The following SEMA5A variants were observed in gnomAD, a reference collection of about 807,000 sequenced individuals.
SEMA5A encodes semaphorin 5A, also known as semaphorin-5A.
SEMA5A carries 55 observed loss-of-function variants against 135.5 expected under a neutral mutation model. The ratio of observed to expected loss-of-function variants is 0.41; its 90% CI spans 0.33 to 0.51. The LOEUF (loss-of-function observed/expected upper bound fraction) is 0.51, where lower values mean the gene tolerates loss of function less well. Among genes scored for constraint, SEMA5A ranks in the 20% least tolerant of loss-of-function variants. The pLI is 0.37. For missense variants in SEMA5A, 1,290 were observed against 1,419.9 expected, an observed-to-expected ratio of 0.91 and a Z score of 1.47; for synonymous variants, 580 against 546.5, an observed-to-expected ratio of 1.06 and a Z score of -0.85.
intron 8 of SEMA5A, among the ~76,000 whole-genome samples, chr5:9,219,985 A>T (rs1331519461): frequency 6.6e-6 from 1 of 152,222 alleles, no homozygotes; most frequent in Admixed American, 6.5e-5. Context: ...ATAGAAAAAA[A>T]AATGTGATTA....
chr5:9,139,626 T>C (rs1383264875), intron 12 of SEMA5A, among the ~76,000 whole-genome samples: 3 of 152,224 alleles, frequency 2.0e-5, no homozygotes, highest in Non-Finnish European at 4.4e-5. Flanking sequence ...TTTTATTACA[T>C]GGTCACTGGA....
intron 2 of SEMA5A, among the ~76,000 whole-genome samples, chr5:9,383,905 G>T (rs988151411): frequency 3.9e-5 from 6 of 152,212 alleles, no homozygotes; most frequent in African/African-American, 1.2e-4. Flanking sequence ...TTTGGAAAGC[G>T]ACAATTAGAG....
At chr5:9,253,584 G>T (rs760021139) in intron 5 of SEMA5A, among the ~76,000 whole-genome samples, 3 of 152,038 alleles carry the variant, frequency 2.0e-5, no homozygotes, top group African/African-American at 2.4e-5. Context: ...ACCTCCTATG[G>T]TGTTTTGACA....
At chr5:9,423,879 G>A (rs907888604) in intron 2 of SEMA5A, among the ~76,000 whole-genome samples, 4 of 152,210 alleles carry the variant, frequency 2.6e-5, no homozygotes, top group African/African-American at 9.6e-5. Flanking sequence ...GCCTACTGCA[G>A]CTGGAACTGA....
At chr5:9,434,157 C>G (rs1757950170) in intron 2 of SEMA5A, among the ~76,000 whole-genome samples, 1 of 152,100 alleles carries the variant, frequency 6.6e-6, no homozygotes, top group African/African-American at 2.4e-5. Flanking sequence ...CATTACAGTG[C>G]CTTTACACGA....
chr5:9,411,254 T>C (rs1757096916), intron 2 of SEMA5A, among the ~76,000 whole-genome samples: 1 of 152,196 alleles, frequency 6.6e-6, no homozygotes, highest in Admixed American at 6.5e-5. Flanking sequence ...TCTTCTTAAT[T>C]GGACATCATT....
chr5:9,178,725 A>T (rs1476326749), intron 11 of SEMA5A, among the ~76,000 whole-genome samples: 6 of 152,224 alleles, frequency 3.9e-5, no homozygotes, highest in Non-Finnish European at 8.8e-5. Flanking sequence ...ACAACAAATG[A>T]TATGGATGAA....
At chr5:9,085,733 G>A (rs1034627042) in intron 16 of SEMA5A, among the ~76,000 whole-genome samples, 2 of 152,210 alleles carry the variant, frequency 1.3e-5, no homozygotes, top group East Asian at 1.9e-4. Context: ...CCCTACTGGG[G>A]CACAACCTAG....
In SEMA5A at chr5:9,379,984, C is replaced by G; in HGVS notation, c.-38G>C. 6.3e-7 allele frequency: 1 copy of G among 1,579,060 alleles called. No individual in the cohort carries two copies. Among genetic ancestry groups the G allele is most frequent in the Non-Finnish European group, 8.6e-7 (1 of 1,161,040 alleles). ...GCCTCTGACTCTGGGCACGTGTCTTCTAAACAGAAGCTCTTCTTCTCCTCA... is the reference window on the plus strand; with the variant it reads ...GCCTCTGACTCTGGGCACGTGTCTTGTAAACAGAAGCTCTTCTTCTCCTCA... On this transcript the variant is annotated 5_prime_UTR_variant, in exon 3 of 23. An upstream open reading frame in the 5' UTR loses its in-frame stop. Coordinates refer to ENST00000382496, the MANE Select transcript of SEMA5A (RefSeq NM_003966.3).
intron 5 of SEMA5A, among the ~76,000 whole-genome samples, chr5:9,287,491 A>G (rs1010553355): frequency 2.0e-5 from 3 of 152,232 alleles, no homozygotes; most frequent in African/African-American, 7.2e-5. Context: ...AATAATTTAA[A>G]TGTCAAAAAT....
intron 1 of SEMA5A, among the ~76,000 whole-genome samples, chr5:9,467,416 G>A (rs903677237): frequency 6.6e-6 from 1 of 152,118 alleles, no homozygotes; most frequent in South Asian, 2.1e-4. Flanking sequence ...CCGGCTGCAT[G>A]AACTGTTCTG....
intron 8 of SEMA5A, among the ~76,000 whole-genome samples, chr5:9,223,305 T>G (rs1489568119): frequency 6.6e-6 from 1 of 152,208 alleles, no homozygotes; most frequent in Non-Finnish European, 1.5e-5. Context: ...CTCTGATGAT[T>G]AGGTTGACTG....
intron 1 of SEMA5A, among the ~76,000 whole-genome samples, chr5:9,455,210 A>C (rs372178104): frequency 1.3e-5 from 2 of 152,088 alleles, no homozygotes; most frequent in South Asian, 2.1e-4. Flanking sequence ...TTTCCTGCTC[A>C]GATAGCATAT....
At chr5:9,513,015 G>T (rs1057145199) in intron 1 of SEMA5A, among the ~76,000 whole-genome samples, 1 of 149,558 alleles carries the variant, frequency 6.7e-6, no homozygotes, top group Non-Finnish European at 1.5e-5. Flanking sequence ...AATCCAAGTT[G>T]CAAAAAATGC....
chr5:9,087,838 A>G (rs1738788891), intron 16 of SEMA5A, among the ~76,000 whole-genome samples: 1 of 152,174 alleles, frequency 6.6e-6, no homozygotes, highest in Non-Finnish European at 1.5e-5. Flanking sequence ...TATACACAGA[A>G]TTCTGTACCA....
intron 1 of SEMA5A, among the ~76,000 whole-genome samples, chr5:9,495,056 T>A (rs1420617932): frequency 6.6e-6 from 1 of 152,226 alleles, no homozygotes; most frequent in East Asian, 1.9e-4. Context: ...ACAAACCAAC[T>A]TCAAAACCAA....
chr5:9,458,552 C>T (rs1013114646), intron 1 of SEMA5A, among the ~76,000 whole-genome samples: 3 of 152,186 alleles, frequency 2.0e-5, no homozygotes, highest in Non-Finnish European at 2.9e-5. Flanking sequence ...CCCAGCACGC[C>T]AAGGCAGCTT....
At chr5:9,055,330 G>A (rs920201667) in intron 18 of SEMA5A, among the ~76,000 whole-genome samples, 1 of 152,184 alleles carries the variant, frequency 6.6e-6, no homozygotes, top group Admixed American at 6.5e-5. Context: ...CTAATCTGGG[G>A]TTAAGCACAA....
chr5:9,346,706 C>T (rs964693425), intron 3 of SEMA5A, among the ~76,000 whole-genome samples: 8 of 152,168 alleles, frequency 5.3e-5, no homozygotes, highest in Admixed American at 4.6e-4. Flanking sequence ...CCAGCTGGTT[C>T]CAGCGTGTGT....
Sources: allele counts gnomAD v4.1 joint callset (sites outside exome capture counted in the v4.1 genomes callset), GRCh38; gene constraint gnomAD v4.1.1; transcripts MANE v1.5; gene names NCBI Gene and HGNC (gene_info 2026-07-23, HGNC 2026-07-21).